The following AFG3L2 variants were observed in gnomAD, a reference collection of about 807,000 sequenced individuals.
The protein encoded by AFG3L2 is mitochondrial inner membrane m-AAA protease component AFG3L2.
AFG3L2 carries 54 observed loss-of-function variants against 94.5 expected under a neutral mutation model. That is an observed-to-expected ratio of 0.57 (90% CI 0.46 to 0.72). The LOEUF (loss-of-function observed/expected upper bound fraction) is 0.72. Ranked by LOEUF, AFG3L2 falls within the 30% of genes least tolerant of loss-of-function variation. AFG3L2 has a pLI of 0.00. For synonymous variants in AFG3L2, 377 were observed against 365.5 expected (o/e 1.03, Z -0.36); for missense variants, 754 against 994.9 (o/e 0.76, Z 3.26).
intron 3 of AFG3L2, among the ~76,000 whole-genome samples, chr18:12,367,972 A>G (rs1202821226): frequency 6.6e-6 from 1 of 152,138 alleles, no homozygotes; most frequent in East Asian, 1.9e-4. Context: ...GTTTGAGACC[A>G]GCCTGTTCAA....
chr18:12,376,866 T>C, intron 1 of AFG3L2, 103 bp downstream of exon 1: 1 of 907,180 alleles, frequency 1.1e-6, no homozygotes, highest in Non-Finnish European at 1.5e-6. Context: ...ACGGCCCGCG[T>C]GCGGCCGGAG....
At chr18:12,357,435 G>A (rs1908528889) in intron 8 of AFG3L2, among the ~76,000 whole-genome samples, 1 of 152,078 alleles carries the variant, frequency 6.6e-6, no homozygotes, top group Non-Finnish European at 1.5e-5. Context: ...ACTGTGAGGA[G>A]GTAGATAATA....
chr18:12,332,262 TACAGGC>T (rs1907557990), intron 16 of AFG3L2, among the ~76,000 whole-genome samples: 1 of 152,058 alleles, frequency 6.6e-6, no homozygotes, highest in East Asian at 1.9e-4. Flanking sequence ...TAGTTGGGAT[TACAGGC>T]GTCCACCACC....
intron 15 of AFG3L2, among the ~76,000 whole-genome samples, chr18:12,339,703 G>C (rs1338956934): frequency 2.0e-5 from 3 of 151,772 alleles, no homozygotes; most frequent in Non-Finnish European, 4.4e-5. Flanking sequence ...AAAAAAATCA[G>C]CCAGGCGTGG....
At chr18:12,356,334 T>C (rs1436204790) in intron 9 of AFG3L2, among the ~76,000 whole-genome samples, 1 of 152,118 alleles carries the variant, frequency 6.6e-6, no homozygotes, top group East Asian at 1.9e-4. Context: ...CTATTTTTAG[T>C]ACAGACAGGG....
rs1466156202 is a variant in AFG3L2 at position 12,367,385 on chromosome 18, G to A, written c.293-3C>T. ...TGTGGTAGCAGCTGGCTTTGATTCTGTTCATAAACAAAGAGCACACACAGA... is the reference window on the plus strand; with the variant it reads ...TGTGGTAGCAGCTGGCTTTGATTCTATTCATAAACAAAGAGCACACACAGA... On this transcript the variant is annotated splice_region_variant and splice_polypyrimidine_tract_variant and intron_variant, in intron 3 of 16. Transcript: ENST00000269143. The A allele has an allele frequency of 1.9e-6, 3 of 1,613,816 alleles. No homozygotes were observed. The African/African-American group carries it at 4.0e-5, about 22-fold the overall frequency.
chr18:12,344,643 C>T (rs1207593630), intron 13 of AFG3L2, among the ~76,000 whole-genome samples: 1 of 150,964 alleles, frequency 6.6e-6, no homozygotes, highest in African/African-American at 2.4e-5. Flanking sequence ...CGCTGCACTC[C>T]AGCCTGGGCT....
chr18:12,353,514 C>CAA lies in AFG3L2; in HGVS notation c.1165-358_1165-357dup, dbSNP rs71172076. 1.4e-3 allele frequency among the ~76,000 whole-genome samples: 112 copies of CAA among 80,986 alleles called. 1 individual carries two copies. The highest frequency in any genetic ancestry group is 2.5e-3 in the East Asian group (7 of 2,800). The allele number at this position is 80,986 out of a possible 152,430, so 53.1% of individuals were successfully genotyped here. ...GGGCAACAAGAGCGAAATTCTGTCTCAAAAAAAAAAAAAAAAAAAAAAAAT... is the reference window on the plus strand; with the variant it reads ...GGGCAACAAGAGCGAAATTCTGTCTCAAAAAAAAAAAAAAAAAAAAAAAAAAT... On this transcript the variant is annotated intron_variant, in intron 9 of 16. Coordinates refer to ENST00000269143, the MANE Select transcript of AFG3L2 (RefSeq NM_006796.3).
At chr18:12,370,430 C>A (rs1220084691) in intron 3 of AFG3L2, among the ~76,000 whole-genome samples, 13 of 151,330 alleles carry the variant, frequency 8.6e-5, no homozygotes, top group Non-Finnish European at 7.4e-5. Context: ...GTACTTGCAA[C>A]CTACAGCTTC....
chr18:12,330,989 A>G (rs2143079393), intron 16 of AFG3L2, among the ~76,000 whole-genome samples: 1 of 152,380 alleles, frequency 6.6e-6, no homozygotes, highest in South Asian at 2.1e-4. Flanking sequence ...GCAAATGCCC[A>G]GCAGTAGCCA....
chr18:12,352,739 A>G (rs1287221726), intron 10 of AFG3L2, among the ~76,000 whole-genome samples: 1 of 152,198 alleles, frequency 6.6e-6, no homozygotes, highest in East Asian at 1.9e-4. Context: ...GGCCTTTTAA[A>G]AGAGCTGTTT....
intron 3 of AFG3L2, among the ~76,000 whole-genome samples, chr18:12,370,215 T>C (rs1908938724): frequency 6.6e-6 from 1 of 152,070 alleles, no homozygotes; most frequent in Non-Finnish European, 1.5e-5. Flanking sequence ...CTAAACACAA[T>C]ATGTATCAAA....
chr18:12,346,037 A>C (rs1908124171), intron 13 of AFG3L2, among the ~76,000 whole-genome samples: 1 of 152,000 alleles, frequency 6.6e-6, no homozygotes, highest in Non-Finnish European at 1.5e-5. Flanking sequence ...TAACACGCTC[A>C]CTGCCAAATC....
At position 12,344,160 on chromosome 18, in the gene AFG3L2, T is replaced by C. The variant is rs1481897707; in HGVS notation, c.1751A>G (p.Tyr584Cys). 1 of 1,613,744 alleles carries C rather than the reference T, an allele frequency of 6.2e-7. No homozygotes were observed. Among genetic ancestry groups the C allele is most frequent in the African/African-American group, 1.3e-5 (1 of 74,934 alleles). The change falls in exon 14 of 17, where the codon TAT becomes TGT. Residue 584 changes from tyrosine (Y) to cysteine (C), a missense_variant. Tyr to Cys is a radical substitution (Grantham distance 194, BLOSUM62 -2). Coordinates refer to ENST00000269143, the MANE Select transcript of AFG3L2 (RefSeq NM_006796.3). ...TAAAAGCGGGTCTGCGTGCTCCAGA[T>C]ACCAGCCGGCAACCGCATGGCCTGC... ...HEAGHAVAGW[Y>C]LEHADPLLKV...
chr18:12,340,438 A>C lies in AFG3L2; in HGVS notation c.1780-37T>G, dbSNP rs751524654. On this transcript the variant is annotated intron_variant, in intron 14 of 16. Transcript: ENST00000269143. ...AAAACAGTGTTGAAGATCCTACTAC[A>C]GATGAAGACTTGATCAAAACATCTG... The C allele has an allele frequency of 2.0e-6, 3 of 1,490,596 alleles. No individual in the cohort carries two copies. In the East Asian group the frequency reaches 6.8e-5, roughly 34 times the overall value. 92.3% of individuals were successfully genotyped at this position (1,490,596 alleles called of 1,614,324 possible). A position where few individuals can be genotyped will look rare whatever the true frequency, so the allele number is the denominator to read the frequency against.
intron 14 of AFG3L2, chr18:12,341,051 C>T (rs1907937883): frequency 6.6e-6 from 1 of 152,580 alleles, no homozygotes; most frequent in Admixed American, 6.5e-5. Flanking sequence ...CGCCACCACA[C>T]CCAGCAAATT....
chr18:12,337,552 T>C lies in AFG3L2; in HGVS notation c.1981-17A>G, dbSNP rs752800519. On this transcript the variant is annotated splice_polypyrimidine_tract_variant and intron_variant, in intron 15 of 16. Coordinates refer to ENST00000269143, the MANE Select transcript of AFG3L2 (RefSeq NM_006796.3). Reference sequence around the variant, plus strand: ...CTGAACAATCTGAAAAATACATAATTAGTGGTGATTACATATGATTGTTCT... The same window carrying C: ...CTGAACAATCTGAAAAATACATAATCAGTGGTGATTACATATGATTGTTCT... 2 of 1,611,376 alleles carry C rather than the reference T, an allele frequency of 1.2e-6. No individual in the cohort carries two copies. Among genetic ancestry groups the C allele is most frequent in the South Asian group, 2.2e-5 (2 of 91,036 alleles).
At chr18:12,349,900 G>A (rs1187043201) in intron 12 of AFG3L2, among the ~76,000 whole-genome samples, 1 of 151,948 alleles carries the variant, frequency 6.6e-6, no homozygotes, top group Non-Finnish European at 1.5e-5. Context: ...GACGTCAGGT[G>A]ATCCACCTGC....
In AFG3L2 at chr18:12,344,197, C is replaced by T. The variant is rs562861748; in HGVS notation, c.1714G>A (p.Ala572Thr). Residue 572 changes from alanine to threonine, a missense_variant, in exon 14 of 17, where the codon GCA (alanine) becomes ACA (threonine). Around this residue, in one of 4 missense-constraint regions of AFG3L2, gnomAD observed 279 missense variants for 378.6 expected, o/e 0.74. Coordinates refer to ENST00000269143, the MANE Select transcript of AFG3L2 (RefSeq NM_006796.3). Reference protein sequence around the residue: ...VLQPEEKKTVAYHEAGHAVAG... With the variant: ...VLQPEEKKTVTYHEAGHAVAG... Reference sequence around the variant, plus strand: ...ACCGCATGGCCTGCTTCGTGGTATGCCACAGTCTTCTTCTCCTCAGGCTGC... The same window carrying T: ...ACCGCATGGCCTGCTTCGTGGTATGTCACAGTCTTCTTCTCCTCAGGCTGC... 7 of 1,614,176 alleles carry T rather than the reference C, an allele frequency of 4.3e-6. No homozygotes were observed. The highest frequency in any genetic ancestry group is 5.1e-6 in the Non-Finnish European group (6 of 1,180,050).
Sources: allele counts gnomAD v4.1 joint callset (sites outside exome capture counted in the v4.1 genomes callset), GRCh38; gene constraint gnomAD v4.1.1; regional missense constraint gnomAD v4.1.1; transcripts MANE v1.5; gene names NCBI Gene and HGNC (gene_info 2026-07-23, HGNC 2026-07-21).